Variants in ROCK2 observed in about 807,000 individuals in gnomAD.
The protein encoded by ROCK2 is rho-associated protein kinase 2.
A neutral mutation model predicts 195.1 loss-of-function variants in ROCK2; 61 were observed. That is an observed-to-expected ratio of 0.31 (90% CI 0.25 to 0.39). ROCK2 has a LOEUF of 0.39. ROCK2 is among the 10% of genes least tolerant of loss of function. The pLI is 1.00. For synonymous variants in ROCK2, 504 were observed against 545.5 expected, an observed-to-expected ratio of 0.92 and a Z score of 1.06; for missense variants, 1,109 against 1,637.4, an observed-to-expected ratio of 0.68 and a Z score of 5.57.
intron 1 of ROCK2, among the ~76,000 whole-genome samples, chr2:11,331,783 A>T (rs1357052791): frequency 3.9e-5 from 6 of 152,156 alleles, no homozygotes; most frequent in Non-Finnish European, 8.8e-5. Flanking sequence ...AAAATTAGCC[A>T]GGCCTGGTGG....
chr2:11,322,127 A>T (rs1388856520), intron 1 of ROCK2, among the ~76,000 whole-genome samples: 2 of 152,122 alleles, frequency 1.3e-5, no homozygotes, highest in Admixed American at 1.3e-4. Context: ...CAAACCTGCC[A>T]ACACCTTGAT....
At chr2:11,190,384 T>C (rs892312506) in intron 32 of ROCK2, among the ~76,000 whole-genome samples, 1 of 145,358 alleles carries the variant, frequency 6.9e-6, no homozygotes, top group African/African-American at 2.5e-5. Context: ...AAAAAAAAAG[T>C]AACAAAAATC....
At chr2:11,223,370 G>T (rs995327892) in intron 7 of ROCK2, among the ~76,000 whole-genome samples, 2 of 152,072 alleles carry the variant, frequency 1.3e-5, no homozygotes, top group Non-Finnish European at 2.9e-5. Flanking sequence ...CTTCTCTGGG[G>T]ATCAATTTTG....
chr2:11,206,641 C>T lies in ROCK2; in HGVS notation c.2549+1085G>A, dbSNP rs1198917017. On this transcript the variant is annotated intron_variant, in intron 20 of 32. Coordinates refer to ENST00000315872, the MANE Select transcript of ROCK2 (RefSeq NM_004850.5). ...ATTTTAAGCATCTTTTCTTAGATAG[C>T]ATCAGTCTTACTGACCTGTCACAGG... Among the ~76,000 whole-genome samples the T allele has an allele frequency of 3.3e-5, 5 of 152,200 alleles. No individual in the cohort carries two copies. The East Asian group carries it at 7.7e-4, about 23-fold the overall frequency.
At chr2:11,277,659 T>C (rs1224924675) in intron 3 of ROCK2, among the ~76,000 whole-genome samples, 1 of 152,248 alleles carries the variant, frequency 6.6e-6, no homozygotes, top group African/African-American at 2.4e-5. Flanking sequence ...ATGCCGTTAA[T>C]TCATTCCTTT....
At chr2:11,296,050 G>GAA (rs1249653168) in intron 1 of ROCK2, among the ~76,000 whole-genome samples, 2 of 143,882 alleles carry the variant, frequency 1.4e-5, no homozygotes, top group Non-Finnish European at 3.0e-5. Flanking sequence ...GAGAGAGAGA[G>GAA]AAAACAAAGG....
In ROCK2 at chr2:11,343,989, C is replaced by T; in HGVS notation, c.141+7G>A. ...AACGAGCAAGCTCCCAGGCCCCGGC[C>T]ACCTACCAGCAAGCTCTCCACGTTG... is the stretch of plus-strand genomic sequence containing the variant. On this transcript the variant is annotated splice_region_variant and intron_variant, in intron 1 of 32. Coordinates refer to ENST00000315872, the MANE Select transcript of ROCK2 (RefSeq NM_004850.5). 1.9e-6 allele frequency: 3 copies of T among 1,586,914 alleles called. No individual in the cohort carries two copies. Among genetic ancestry groups the T allele is most frequent in the Non-Finnish European group, 1.7e-6 (2 of 1,167,920 alleles).
At chr2:11,301,184 ACTC>A (rs1414244329) in intron 1 of ROCK2, among the ~76,000 whole-genome samples, 3 of 152,186 alleles carry the variant, frequency 2.0e-5, no homozygotes, top group East Asian at 1.9e-4. Flanking sequence ...TACTTTAAAA[ACTC>A]CTCTTTTATG....
intron 4 of ROCK2, among the ~76,000 whole-genome samples, chr2:11,245,915 AAAG>A (rs1036745576): frequency 6.6e-6 from 1 of 152,210 alleles, no homozygotes; most frequent in Admixed American, 6.5e-5. Context: ...AAATACAATA[AAAG>A]AATAAAGCAT....
Position 11,344,575 on chromosome 2 carries a change from C to T in ROCK2, c.-439G>A. On this transcript the variant is annotated 5_prime_UTR_variant, in exon 1 of 33. Coordinates refer to ENST00000315872, the MANE Select transcript of ROCK2 (RefSeq NM_004850.5). The surrounding 1 kb of genome is among the most constrained non-coding windows in gnomAD (Gnocchi z 5.4). Reference sequence around the variant, plus strand: ...GCCGGCCCGCTGCCATGGTCGCCGCCGGCCGCCTTGCAGTCCCTCAGCCAG... The same window carrying T: ...GCCGGCCCGCTGCCATGGTCGCCGCTGGCCGCCTTGCAGTCCCTCAGCCAG... The T allele has an allele frequency of 1.2e-6, 1 of 858,902 alleles. No individual in the cohort carries two copies. The highest frequency in any genetic ancestry group is 1.4e-6 in the Non-Finnish European group (1 of 717,894). The allele number at this position is 858,902 out of a possible 1,614,324, so 53.2% of individuals were successfully genotyped here. A position where few individuals can be genotyped will look rare whatever the true frequency, so the allele number is the denominator to read the frequency against.
chr2:11,192,220 C>G lies in ROCK2; in HGVS notation c.4091G>C (p.Arg1364Thr), dbSNP rs1390697544. The G allele has an allele frequency of 1.9e-6, 3 of 1,613,224 alleles. No homozygotes were observed. Among genetic ancestry groups the G allele is most frequent in the Non-Finnish European group, 2.5e-6 (3 of 1,179,886 alleles). Residue 1364 changes from arginine (R) to threonine (T), a missense_variant, in exon 32 of 33, where the codon AGA (arginine) becomes ACA (threonine). Physicochemically the swap from Arg to Thr is moderately conservative, Grantham distance 71 (BLOSUM62 -1). This residue lies in a region of ROCK2 where 221 missense variants were observed against 355.1 expected (regional missense o/e 0.62). Coordinates refer to ENST00000315872, the MANE Select transcript of ROCK2 (RefSeq NM_004850.5). The surrounding 1 kb of genome is among the most constrained non-coding windows in gnomAD (Gnocchi z 5.0). The stretch of plus-strand genomic sequence containing the variant: ...GTTTTGCTGTATCTTCATTGAAGTT[C>G]TAGGAGATGATCGGGCAAAAGGGTC... Reference protein sequence around the residue: ...APDPFARSSPRTSMKIQQNQS... With the variant: ...APDPFARSSPTTSMKIQQNQS...
chr2:11,262,670 A>G (rs1368432910), intron 3 of ROCK2, among the ~76,000 whole-genome samples: 1 of 152,138 alleles, frequency 6.6e-6, no homozygotes, highest in East Asian at 1.9e-4. Context: ...GCCTTCTGCC[A>G]TGATTGTGAA....
At chr2:11,248,419 A>T (rs117938356) in intron 4 of ROCK2, among the ~76,000 whole-genome samples, 2 of 152,134 alleles carry the variant, frequency 1.3e-5, no homozygotes, top group East Asian at 3.9e-4. Flanking sequence ...ATAGTAACGA[A>T]GGCAAAGGCC....
At chr2:11,317,627 T>TTTTTTTTTTA (rs1192587957) in intron 1 of ROCK2, among the ~76,000 whole-genome samples, 1,535 of 31,140 alleles carry the variant, frequency 0.049, 302 homozygotes, top group East Asian at 0.093. Flanking sequence ...TTTTTTTTTT[T>TTTTTTTTTTA]AATTATACTT....
At position 11,328,756 on chromosome 2, in the gene ROCK2, T is replaced by C. The variant is rs567715816; in HGVS notation, c.141+15240A>G. Among the ~76,000 whole-genome samples the C allele has an allele frequency of 7.9e-5, 12 of 152,260 alleles. No individual in the cohort carries two copies. In the South Asian group the frequency reaches 2.3e-3, roughly 29 times the overall value. ...GCAGCCATAAAAAATGATGAGCTCA[T>C]GTCCTTTGTACAGACATGGATGAAA... On this transcript the variant is annotated intron_variant, in intron 1 of 32. Coordinates refer to ENST00000315872, the MANE Select transcript of ROCK2 (RefSeq NM_004850.5).
At position 11,197,366 on chromosome 2, in the gene ROCK2, A is replaced by G. The variant is rs1261345389; in HGVS notation, c.3280-18T>C. On this transcript the variant is annotated intron_variant, in intron 26 of 32. Coordinates refer to ENST00000315872, the MANE Select transcript of ROCK2 (RefSeq NM_004850.5). The surrounding 1 kb of genome is among the most constrained non-coding windows in gnomAD (Gnocchi z 4.9). ...GCTATTTGCTATAAGAAATTTAATT[A>G]CAATAAGTTAATTGGATGCAACATA... The G allele has an allele frequency of 1.2e-6, 2 of 1,606,224 alleles. No individual in the cohort carries two copies. Among genetic ancestry groups the G allele is most frequent in the East Asian group, 2.2e-5 (1 of 44,854 alleles).
chr2:11,188,103 ATTTTTT>A (rs747304783), intron 32 of ROCK2, among the ~76,000 whole-genome samples: 5 of 112,644 alleles, frequency 4.4e-5, no homozygotes, highest in African/African-American at 1.1e-4. Flanking sequence ...CTGGTATATA[ATTTTTT>A]TTTTTTTTTT....
intron 5 of ROCK2, among the ~76,000 whole-genome samples, chr2:11,229,460 G>C (rs2148091089): frequency 6.6e-6 from 1 of 151,870 alleles, no homozygotes. Context: ...GGAAAGAAGG[G>C]AGTAATGGGA....
At chr2:11,187,920 T>C (rs1663256490) in intron 32 of ROCK2, among the ~76,000 whole-genome samples, 3 of 152,134 alleles carry the variant, frequency 2.0e-5, no homozygotes, top group South Asian at 2.1e-4. Flanking sequence ...AATGACACAA[T>C]AGCTACTTCC....
Sources: allele counts gnomAD v4.1 joint callset (sites outside exome capture counted in the v4.1 genomes callset), GRCh38; gene constraint gnomAD v4.1.1; regional missense constraint gnomAD v4.1.1; non-coding constraint Gnocchi (gnomAD v3.1); transcripts MANE v1.5; gene names NCBI Gene and HGNC (gene_info 2026-07-23, HGNC 2026-07-21).